KATNIP: variants seen among roughly 807,000 people sequenced by gnomAD.
KATNIP encodes the protein katanin interacting protein, also known as katanin-interacting protein.
A neutral mutation model predicts 174.0 loss-of-function variants in KATNIP; 126 were observed. The ratio of observed to expected loss-of-function variants is 0.72; its 90% confidence interval spans 0.63 to 0.84. KATNIP has a LOEUF of 0.84. Ranked by LOEUF, KATNIP falls within the 40% of genes least tolerant of loss-of-function variation. The probability of loss-of-function intolerance (pLI) is 0.00; values close to 1 mark genes in which losing one functional copy is unlikely to be tolerated. For synonymous variants in KATNIP, 810 were observed against 835.7 expected (o/e 0.97, Z 0.53); for missense variants, 1,958 against 2,109.7 (o/e 0.93, Z 1.41).
chr16:27,776,236 A>G lies in KATNIP; in HGVS notation c.4450-692A>G, dbSNP rs1489854408. Reference sequence around the variant, plus strand: ...TGAGGATGGTCACAGGCTGGGGACCAGGGCCTGGGGCAGGACTGAGCCTGC... The same window carrying G: ...TGAGGATGGTCACAGGCTGGGGACCGGGGCCTGGGGCAGGACTGAGCCTGC... On this transcript the variant is annotated intron_variant, in intron 24 of 27. Coordinates refer to ENST00000261588, the MANE Select transcript of KATNIP (RefSeq NM_015202.5). This position sits in a 1 kb window ranked among gnomAD's most constrained non-coding sequence, Gnocchi z 4.7. Among the ~76,000 whole-genome samples, 1 of 152,148 alleles carries G rather than the reference A, an allele frequency of 6.6e-6. No individual in the cohort carries two copies. The highest frequency in any genetic ancestry group is 1.5e-5 in the Non-Finnish European group (1 of 68,028).
chr16:27,619,135 A>G (rs986444171), intron 3 of KATNIP, among the ~76,000 whole-genome samples: 4 of 152,180 alleles, frequency 2.6e-5, no homozygotes, highest in Non-Finnish European at 4.4e-5. Context: ...AAACTTTGCA[A>G]TAAGCTGGGG....
At chr16:27,564,090 G>A (rs1331168644) in intron 1 of KATNIP, among the ~76,000 whole-genome samples, 1 of 151,852 alleles carries the variant, frequency 6.6e-6, no homozygotes, top group Non-Finnish European at 1.5e-5. Context: ...AAAAGCCCAG[G>A]GGGAGTTGAC....
At chr16:27,639,738 TC>T (rs1555462695) in intron 5 of KATNIP, among the ~76,000 whole-genome samples, 1 of 152,206 alleles carries the variant, frequency 6.6e-6, no homozygotes, top group Non-Finnish European at 1.5e-5. Context: ...CTTGTTATCT[TC>T]CTTCTGAGTT....
At chr16:27,655,662 A>G (rs959840334) in intron 6 of KATNIP, among the ~76,000 whole-genome samples, 2 of 152,184 alleles carry the variant, frequency 1.3e-5, no homozygotes. Flanking sequence ...TTGAGCATGT[A>G]ACATCCATCA....
intron 6 of KATNIP, among the ~76,000 whole-genome samples, chr16:27,657,271 A>G (rs909267810): frequency 6.6e-6 from 1 of 152,142 alleles, no homozygotes; most frequent in Admixed American, 6.6e-5. Context: ...AAATGTGGCA[A>G]AATGTTAACA....
chr16:27,656,955 A>G (rs2077314370), intron 6 of KATNIP, among the ~76,000 whole-genome samples: 1 of 152,098 alleles, frequency 6.6e-6, no homozygotes, highest in Admixed American at 6.6e-5. Flanking sequence ...AAATCCTAAA[A>G]AAAAACACAA....
Position 27,647,830 on chromosome 16 carries a change from T to G in KATNIP, c.409-774T>G, listed in dbSNP as rs189810450. 1.6e-4 allele frequency among the ~76,000 whole-genome samples: 25 copies of G among 152,222 alleles called. No homozygotes were observed. The East Asian group carries it at 4.9e-3, about 30-fold the overall frequency. ...ACCTGGTTAATTTTTTAAATTTTTTTGTAGAGATGGGGGTCTCACTATGTT... is the reference window on the plus strand; with the variant it reads ...ACCTGGTTAATTTTTTAAATTTTTTGGTAGAGATGGGGGTCTCACTATGTT... On this transcript the variant is annotated intron_variant, in intron 5 of 27. Coordinates refer to ENST00000261588, the MANE Select transcript of KATNIP (RefSeq NM_015202.5).
chr16:27,662,434 T>C (rs1222482051), intron 6 of KATNIP, among the ~76,000 whole-genome samples: 1 of 152,102 alleles, frequency 6.6e-6, no homozygotes, highest in African/African-American at 2.4e-5. Context: ...CCCCCAGGGA[T>C]GACCAACTGG....
chr16:27,778,158 A>G (rs543133097), intron 27 of KATNIP, among the ~76,000 whole-genome samples, 189 bp downstream of exon 27: 4 of 152,316 alleles, frequency 2.6e-5, no homozygotes, highest in Middle Eastern at 3.4e-3. Flanking sequence ...ACATGCTTCC[A>G]TCTTCTTGCA....
chr16:27,564,397 C>T (rs1323318396), intron 1 of KATNIP, among the ~76,000 whole-genome samples: 1 of 152,054 alleles, frequency 6.6e-6, no homozygotes, highest in Non-Finnish European at 1.5e-5. Context: ...ACAGCATTGT[C>T]CCCAGGCTCT....
intron 12 of KATNIP, chr16:27,708,361 A>G (rs2079417048): frequency 4.5e-6 from 1 of 220,594 alleles, no homozygotes; most frequent in Non-Finnish European, 9.0e-6. Flanking sequence ...AGATGTCGTG[A>G]CAAGCTTCTG....
chr16:27,767,363 G>C (rs1196613512), intron 20 of KATNIP, among the ~76,000 whole-genome samples: 1 of 152,208 alleles, frequency 6.6e-6, no homozygotes, highest in Non-Finnish European at 1.5e-5. Flanking sequence ...TCAGCCTCAG[G>C]TGATCCCCAG....
chr16:27,761,827 C>T (rs2081966025), intron 19 of KATNIP, among the ~76,000 whole-genome samples: 1 of 152,174 alleles, frequency 6.6e-6, no homozygotes, highest in African/African-American at 2.4e-5. Context: ...GATTTGAAGG[C>T]GGGTTCCCAT....
chr16:27,639,118 C>T (rs530275849), intron 5 of KATNIP, among the ~76,000 whole-genome samples: 3 of 152,316 alleles, frequency 2.0e-5, no homozygotes, highest in African/African-American at 7.2e-5. Flanking sequence ...ACAGGAGGGG[C>T]TGCGTCAGGT....
chr16:27,736,317 G>C (rs983917046), intron 14 of KATNIP, among the ~76,000 whole-genome samples: 9 of 152,156 alleles, frequency 5.9e-5, no homozygotes, highest in African/African-American at 2.2e-4. Context: ...AATAATTGTT[G>C]GGTGGCTACA....
intron 18 of KATNIP, among the ~76,000 whole-genome samples, chr16:27,758,967 C>G (rs1688232936): frequency 6.6e-6 from 1 of 152,188 alleles, no homozygotes; most frequent in South Asian, 2.1e-4. Flanking sequence ...AAAATAGGTT[C>G]TGGTACACAG....
At chr16:27,591,418 C>T (rs796733189) in intron 2 of KATNIP, among the ~76,000 whole-genome samples, 4 of 152,056 alleles carry the variant, frequency 2.6e-5, no homozygotes, top group Admixed American at 6.5e-5. Flanking sequence ...CTTTTGACCT[C>T]GTGATCCACC....
At position 27,701,687 on chromosome 16, in the gene KATNIP, G is replaced by T; in HGVS notation, c.1278G>T (p.Leu426=). ...AGGCCATGGACAGAATTGGGCTTCT[G>T]GGAAGCAGGTACTACTAAGGCTGAG... ...INQAMDRIGL[L]GSRQQQKLLK... The change falls in exon 11 of 28, where the codon CTG becomes CTT. Residue 426 remains leucine, a synonymous_variant. Coordinates refer to ENST00000261588, the MANE Select transcript of KATNIP (RefSeq NM_015202.5). 6.3e-7 allele frequency: 1 copy of T among 1,599,216 alleles called. No homozygotes were observed.
chr16:27,656,610 T>TA (rs951104183), intron 6 of KATNIP, among the ~76,000 whole-genome samples: 2 of 150,542 alleles, frequency 1.3e-5, no homozygotes, highest in South Asian at 2.1e-4. Context: ...TATGCAGCCA[T>TA]AAAAAATGAT....
Sources: gnomAD v4.1 joint callset for allele counts (sites outside exome capture counted in the v4.1 genomes callset) on GRCh38, gnomAD v4.1.1 for gene constraint, Gnocchi (gnomAD v3.1) non-coding constraint, MANE v1.5 for transcripts, NCBI Gene and HGNC (gene_info 2026-07-23, HGNC 2026-07-21) for gene names.